ATP6V1A: variants seen among roughly 807,000 people sequenced by gnomAD.
ATP6V1A encodes the protein ATPase H+ transporting V1 subunit A, also known as V-type proton ATPase catalytic subunit A.
A neutral mutation model predicts 70.1 loss-of-function variants in ATP6V1A; 18 were observed. The observed-to-expected ratio is 0.26, with a 90% CI of 0.18 to 0.38. The LOEUF is 0.38. ATP6V1A is among the 10% of genes least tolerant of loss of function. The probability of loss-of-function intolerance (pLI) is 1.00; values close to 1 mark genes in which losing one functional copy is unlikely to be tolerated. For synonymous variants in ATP6V1A, 232 were observed against 253.8 expected, an observed-to-expected ratio of 0.91 and a Z score of 0.82; for missense variants, 424 against 772.4, an observed-to-expected ratio of 0.55 and a Z score of 5.35.
chr3:113,790,135 G>T (rs1233648232), intron 8 of ATP6V1A, among the ~76,000 whole-genome samples: 2 of 151,644 alleles, frequency 1.3e-5, no homozygotes. Context: ...GCTGGGCGTG[G>T]TGGCAGCCAC....
intron 10 of ATP6V1A, 42 bp downstream of exon 10, chr3:113,795,246 A>G (rs1395582214): frequency 1.3e-6 from 2 of 1,588,550 alleles, no homozygotes; most frequent in African/African-American, 2.7e-5. Flanking sequence ...GAAAAAAGTC[A>G]CAGATGTATT....
intron 1 of ATP6V1A, among the ~76,000 whole-genome samples, chr3:113,756,726 AATAG>A (rs1432685406): frequency 3.9e-5 from 6 of 152,224 alleles, no homozygotes; most frequent in Non-Finnish European, 7.3e-5. Flanking sequence ...TCGAAGTTTG[AATAG>A]ATATTGTTGA....
In ATP6V1A at chr3:113,810,360, A is replaced by T. The variant is rs1450690480; in HGVS notation, c.*933A>T. On this transcript the variant is annotated 3_prime_UTR_variant, in exon 15 of 15. Transcript: ENST00000273398. ...CCTGGCCAGGGACTATACTCTTTTT[A>T]AAATAGACATTTGTGGGGCTCACAC... 1 of 152,054 alleles carries T rather than the reference A, an allele frequency of 6.6e-6. No homozygotes were observed. The highest frequency in any genetic ancestry group is 2.4e-5 in the African/African-American group (1 of 41,402). The allele number at this position is 152,054 out of a possible 1,614,324, so 9.4% of individuals were successfully genotyped here. A position where few individuals can be genotyped will look rare whatever the true frequency, so the allele number is the denominator to read the frequency against.
chr3:113,750,182 G>A (rs1482887942), intron 1 of ATP6V1A, among the ~76,000 whole-genome samples: 1 of 152,160 alleles, frequency 6.6e-6, no homozygotes, highest in Non-Finnish European at 1.5e-5. Flanking sequence ...TAAACCCTAG[G>A]TAATCTATGT....
chr3:113,788,572 C>T, intron 6 of ATP6V1A, 141 bp from the exon 7 acceptor site: 1 of 634,206 alleles, frequency 1.6e-6, no homozygotes, highest in East Asian at 3.1e-5. Flanking sequence ...TCTCGAACTC[C>T]TCACTTCAGA....
chr3:113,795,168 A>G lies in ATP6V1A; in HGVS notation c.1190A>G (p.Asn397Ser). The change falls in exon 10 of 15, where the codon AAT becomes AGT. Residue 397 changes from asparagine to serine, a missense_variant. This residue lies in a region of ATP6V1A where 58 missense variants were observed against 181.5 expected (regional missense o/e 0.32). Coordinates refer to ENST00000273398, the MANE Select transcript of ATP6V1A (RefSeq NM_001690.4). ...GCAGGCAGGGTGAAATGTCTTGGAA[A>G]TCCTGAAAGAGAAGGGAGTGTCAGC... ...ERAGRVKCLG[N>S]PEREGSVSIV... is the part of the protein sequence containing the mutation. 1 of 1,614,172 alleles carries G rather than the reference A, an allele frequency of 6.2e-7. No individual in the cohort carries two copies. The highest frequency in any genetic ancestry group is 1.1e-5 in the South Asian group (1 of 91,088).
chr3:113,749,879 A>G (rs1397523076), intron 1 of ATP6V1A, among the ~76,000 whole-genome samples: 3 of 152,336 alleles, frequency 2.0e-5, no homozygotes, highest in East Asian at 3.9e-4. Flanking sequence ...TTCCAAATTC[A>G]TGGTCAATAC....
intron 1 of ATP6V1A, among the ~76,000 whole-genome samples, chr3:113,750,803 C>T (rs750001236): frequency 2.6e-5 from 4 of 152,030 alleles, no homozygotes; most frequent in Non-Finnish European, 5.9e-5. Context: ...TTAAGACAAC[C>T]CACAGAATTG....
At position 113,798,355 on chromosome 3, in the gene ATP6V1A, A is replaced by G. The variant is rs760199531; in HGVS notation, c.1403A>G (p.His468Arg). ...GCCTTGGATGAATACTATGACAAAC[A>G]CTTCACAGAGTTCGTTCCTCTGAGG... The part of the protein sequence containing the change: ...MRALDEYYDK[H>R]FTEFVPLRTK... Residue 468 changes from histidine (H) to arginine (R), a missense_variant, in exon 12 of 15, where the codon CAC (histidine) becomes CGC (arginine). Physicochemically the swap from His to Arg is conservative, Grantham distance 29. Around this residue, in one of 9 missense-constraint regions of ATP6V1A, gnomAD observed 127 missense variants for 207.9 expected, o/e 0.61. Transcript: ENST00000273398. 4.3e-6 allele frequency: 7 copies of G among 1,613,966 alleles called. No homozygotes were observed. The highest frequency in any genetic ancestry group is 5.1e-6 in the Non-Finnish European group (6 of 1,179,964).
chr3:113,786,538 G>T (rs1454617603), intron 6 of ATP6V1A, among the ~76,000 whole-genome samples, 155 bp downstream of exon 6: 1 of 151,994 alleles, frequency 6.6e-6, no homozygotes, highest in Non-Finnish European at 1.5e-5. Context: ...TCTATTGCTA[G>T]CACTTATTAT....
At chr3:113,775,430 G>A (rs1288221626) in intron 1 of ATP6V1A, among the ~76,000 whole-genome samples, 1 of 151,890 alleles carries the variant, frequency 6.6e-6, no homozygotes, top group Non-Finnish European at 1.5e-5. Context: ...GGGTTTTGCC[G>A]TGTTGGCTAG....
intron 11 of ATP6V1A, among the ~76,000 whole-genome samples, 196 bp from the exon 12 acceptor site, chr3:113,798,047 T>G (rs1709172304): frequency 6.6e-6 from 1 of 151,936 alleles, no homozygotes; most frequent in South Asian, 2.1e-4. Context: ...TCAGGAGAAT[T>G]GTTTGAACCC....
rs529712125 is a variant in ATP6V1A, at chr3:113,768,283, T to C, written c.-13-10458T>C. Among the ~76,000 whole-genome samples the C allele has an allele frequency of 2.4e-4, 36 of 152,342 alleles. No homozygotes were observed. The East Asian group carries it at 6.7e-3, about 29-fold the overall frequency. ...TTGTAGTCCACCTTAGTAATTCTTA[T>C]GGATTACTTCATTGATGACCTTATG... On this transcript the variant is annotated intron_variant, in intron 1 of 14. Coordinates refer to ENST00000273398, the MANE Select transcript of ATP6V1A (RefSeq NM_001690.4).
intron 6 of ATP6V1A, 76 bp from the exon 7 acceptor site, chr3:113,788,637 C>G: frequency 4.8e-6 from 7 of 1,449,808 alleles, no homozygotes; most frequent in Non-Finnish European, 6.6e-6. Flanking sequence ...GCGTGAGCCA[C>G]CGCGCCCGGC....
chr3:113,796,086 C>T, intron 11 of ATP6V1A, 147 bp downstream of exon 11: 1 of 629,124 alleles, frequency 1.6e-6, no homozygotes, highest in East Asian at 3.0e-5. Context: ...TTTAGAAACA[C>T]TCTTAACACA....
intron 12 of ATP6V1A, 148 bp from the exon 13 acceptor site, chr3:113,803,435 A>T: frequency 1.6e-6 from 1 of 637,668 alleles, no homozygotes. Context: ...CAGTTTAAAA[A>T]GAACATCAAT....
At chr3:113,761,978 C>T (rs13081164) in intron 1 of ATP6V1A, among the ~76,000 whole-genome samples, 2 of 117,310 alleles carry the variant, frequency 1.7e-5, no homozygotes, top group African/African-American at 3.2e-5. Context: ...CATGTAGAAA[C>T]CCCAACTCTA....
At chr3:113,777,649 A>G (rs1708930242) in intron 1 of ATP6V1A, among the ~76,000 whole-genome samples, 1 of 152,216 alleles carries the variant, frequency 6.6e-6, no homozygotes, top group Non-Finnish European at 1.5e-5. Flanking sequence ...GGTACTAGGG[A>G]GGATGAGGTG....
chr3:113,753,871 A>G (rs1708617753), intron 1 of ATP6V1A, among the ~76,000 whole-genome samples: 1 of 151,772 alleles, frequency 6.6e-6, no homozygotes, highest in South Asian at 2.1e-4. Context: ...AATTTTTTGT[A>G]TATTTGGTAG....
Sources: allele counts gnomAD v4.1 joint callset (sites outside exome capture counted in the v4.1 genomes callset), GRCh38; gene constraint gnomAD v4.1.1; regional missense constraint gnomAD v4.1.1; transcripts MANE v1.5; gene names NCBI Gene and HGNC (gene_info 2026-07-23, HGNC 2026-07-21).